Variants in CADPS2 observed in about 807,000 individuals in gnomAD.
CADPS2 encodes the protein calcium dependent secretion activator 2.
CADPS2 carries 93 observed loss-of-function variants against 172.5 expected under a neutral mutation model. That is an observed-to-expected ratio of 0.54 (90% CI 0.46 to 0.64). CADPS2 has a LOEUF of 0.64. Ranked by LOEUF, CADPS2 falls within the 30% of genes least tolerant of loss-of-function variation. The pLI is 0.00. For missense variants in CADPS2, 1,420 were observed against 1,565.9 expected (o/e 0.91, Z 1.57); for synonymous variants, 546 against 555.2 (o/e 0.98, Z 0.23).
Position 122,393,515 on chromosome 7 carries a change from A to G in CADPS2, c.2814T>C (p.Tyr938=), listed in dbSNP as rs2044668731. ...QEIFVPLVVR[Y]VDLMESSIAQ... ...CGATGGAAGACTCCATGAGATCCAC[A>G]TAGCGGACAACCAAGGGTACAAAGA... is the stretch of plus-strand genomic sequence containing the variant. Residue 938 remains tyrosine, a synonymous_variant, in exon 21 of 30, where the codon TAT becomes TAC. Transcript: ENST00000449022. 5 of 1,613,952 alleles carry G rather than the reference A, an allele frequency of 3.1e-6. No individual in the cohort carries two copies. Among genetic ancestry groups the G allele is most frequent in the Non-Finnish European group, 3.4e-6 (4 of 1,179,842 alleles).
intron 17 of CADPS2, chr7:122,426,321 T>C (rs1243839171): frequency 6.6e-6 from 1 of 152,204 alleles, no homozygotes; most frequent in African/African-American, 2.4e-5. Flanking sequence ...CAGAGTAGGG[T>C]TGGGCTTAGT....
At chr7:122,407,404 G>A in intron 20 of CADPS2, 136 bp downstream of exon 20, 1 of 893,516 alleles carries the variant, frequency 1.1e-6, no homozygotes, top group Non-Finnish European at 1.7e-6. Flanking sequence ...ACATAATCGG[G>A]CAGGCTGAGC....
At chr7:122,704,250 G>C (rs2086631089) in intron 2 of CADPS2, among the ~76,000 whole-genome samples, 1 of 151,354 alleles carries the variant, frequency 6.6e-6, no homozygotes, top group African/African-American at 2.4e-5. Flanking sequence ...GTTAATATTT[G>C]CTTTTTTAAA....
At chr7:122,640,037 A>T (rs916377349) in intron 3 of CADPS2, among the ~76,000 whole-genome samples, 1 of 152,210 alleles carries the variant, frequency 6.6e-6, no homozygotes, top group Non-Finnish European at 1.5e-5. Flanking sequence ...CCAGAATAGA[A>T]TCTCAATTTT....
At chr7:122,608,282 C>T (rs1300851758) in intron 6 of CADPS2, among the ~76,000 whole-genome samples, 1 of 151,582 alleles carries the variant, frequency 6.6e-6, no homozygotes, top group Non-Finnish European at 1.5e-5. Context: ...TATCTCTAGT[C>T]TATAAGAGTA....
At chr7:122,388,540 G>A in intron 23 of CADPS2, 43 bp downstream of exon 23, 1 of 1,521,186 alleles carries the variant, frequency 6.6e-7, no homozygotes, top group South Asian at 1.3e-5. Context: ...TGATATTTTT[G>A]GGTGCTGGCA....
intron 20 of CADPS2, among the ~76,000 whole-genome samples, chr7:122,404,685 C>T (rs1244552858): frequency 1.3e-5 from 2 of 152,174 alleles, no homozygotes; most frequent in Non-Finnish European, 2.9e-5. Flanking sequence ...GATTACTATT[C>T]TAACTGGTGT....
chr7:122,638,750 C>T (rs1245966721), intron 3 of CADPS2, among the ~76,000 whole-genome samples: 2 of 152,204 alleles, frequency 1.3e-5, no homozygotes, highest in Non-Finnish European at 2.9e-5. Context: ...CTAATTCTAT[C>T]CCTGTGTTGA....
At chr7:122,501,739 G>A (rs1380956713) in intron 9 of CADPS2, among the ~76,000 whole-genome samples, 1 of 151,598 alleles carries the variant, frequency 6.6e-6, no homozygotes, top group African/African-American at 2.4e-5. Flanking sequence ...GCCAGGCGTG[G>A]TGGCACACGC....
At chr7:122,796,163 A>G (rs967575191) in intron 1 of CADPS2, among the ~76,000 whole-genome samples, 4 of 152,218 alleles carry the variant, frequency 2.6e-5, no homozygotes, top group Admixed American at 6.5e-5. Flanking sequence ...AGGGAGGTGA[A>G]ATATCTCCAC....
intron 29 of CADPS2, among the ~76,000 whole-genome samples, chr7:122,323,128 T>C (rs2032962019): frequency 6.6e-6 from 1 of 152,232 alleles, no homozygotes; most frequent in South Asian, 2.1e-4. Flanking sequence ...TCTGTTTATA[T>C]TCAAAGTAGA....
intron 2 of CADPS2, among the ~76,000 whole-genome samples, chr7:122,690,424 G>A (rs2084187055): frequency 6.6e-6 from 1 of 152,132 alleles, no homozygotes; most frequent in Non-Finnish European, 1.5e-5. Flanking sequence ...ACGGCTAATT[G>A]TGGAGGTCAC....
At chr7:122,766,305 A>G (rs935037760) in intron 1 of CADPS2, among the ~76,000 whole-genome samples, 30 of 152,140 alleles carry the variant, frequency 2.0e-4, no homozygotes, top group African/African-American at 7.2e-4. Context: ...TTTGGAGAGG[A>G]CAAATCACAT....
At chr7:122,476,420 GCATA>G (rs764561881) in intron 12 of CADPS2, among the ~76,000 whole-genome samples, 2 of 151,848 alleles carry the variant, frequency 1.3e-5, no homozygotes, top group Non-Finnish European at 2.9e-5. Flanking sequence ...TAAAAAATGG[GCATA>G]CAAACTTTAA....
intron 2 of CADPS2, among the ~76,000 whole-genome samples, chr7:122,704,643 G>A (rs961526594): frequency 6.6e-6 from 1 of 151,992 alleles, no homozygotes; most frequent in African/African-American, 2.4e-5. Context: ...GAGGAACTTA[G>A]CTCATTCATT....
intron 8 of CADPS2, among the ~76,000 whole-genome samples, chr7:122,545,656 T>C (rs2063548931): frequency 6.6e-6 from 1 of 152,116 alleles, no homozygotes; most frequent in African/African-American, 2.4e-5. Context: ...GGATGGAGAC[T>C]GAATTAGGGT....
intron 1 of CADPS2, among the ~76,000 whole-genome samples, chr7:122,816,322 T>C (rs1339560889): frequency 1.3e-5 from 2 of 152,230 alleles, no homozygotes; most frequent in Middle Eastern, 3.2e-3. Context: ...CTTATTTCAC[T>C]TAACATAATG....
At chr7:122,520,080 A>T (rs2060663977) in intron 8 of CADPS2, among the ~76,000 whole-genome samples, 1 of 152,068 alleles carries the variant, frequency 6.6e-6, no homozygotes, top group African/African-American at 2.4e-5. Context: ...TTACTTCTAA[A>T]AGCTTTCATT....
intron 8 of CADPS2, among the ~76,000 whole-genome samples, chr7:122,519,902 T>C (rs1480715950): frequency 1.3e-5 from 2 of 151,970 alleles, no homozygotes; most frequent in African/African-American, 2.4e-5. Flanking sequence ...TAAGCCAAAA[T>C]AGTTACTACC....
Sources: gnomAD v4.1 joint callset for allele counts (sites outside exome capture counted in the v4.1 genomes callset) on GRCh38, gnomAD v4.1.1 for gene constraint, MANE v1.5 for transcripts, NCBI Gene and HGNC (gene_info 2026-07-23, HGNC 2026-07-21) for gene names.